The following RELN variants were observed in gnomAD, a reference collection of about 807,000 sequenced individuals.
RELN encodes the protein reelin.
In RELN, 108 loss-of-function variants were observed where a neutral mutation model predicts 427.6. The ratio of observed to expected loss-of-function variants is 0.25; its 90% CI spans 0.22 to 0.30. The LOEUF is 0.30. Among genes scored for constraint, RELN ranks in the 10% least tolerant of loss-of-function variants. The pLI is 1.00. For synonymous variants in RELN, 1,524 were observed against 1,513.4 expected (o/e 1.01, Z -0.16); for missense variants, 3,715 against 4,302.8 (o/e 0.86, Z 3.82).
intron 2 of RELN, among the ~76,000 whole-genome samples, chr7:103,842,735 T>G (rs1003580042): frequency 3.3e-5 from 5 of 152,226 alleles, no homozygotes; most frequent in Non-Finnish European, 7.3e-5. Flanking sequence ...CTTTTAAAAG[T>G]CATTCTGGAA....
At chr7:103,500,719 C>CGTCTT in intron 53 of RELN, 26 bp downstream of exon 53, 1 of 1,612,546 alleles carries the variant, frequency 6.2e-7, no homozygotes, top group Non-Finnish European at 8.5e-7. Context: ...GTGAGTAATG[C>CGTCTT]GTCTTGTCCA....
chr7:103,888,836 C>T (rs541256615), intron 2 of RELN, among the ~76,000 whole-genome samples: 5 of 152,264 alleles, frequency 3.3e-5, no homozygotes, highest in East Asian at 3.9e-4. Context: ...CACAACACTG[C>T]GAGGCAGCAC....
chr7:103,740,845 A>G (rs1431531223), intron 6 of RELN, among the ~76,000 whole-genome samples: 1 of 152,170 alleles, frequency 6.6e-6, no homozygotes, highest in Non-Finnish European at 1.5e-5. Context: ...TAATTCACAT[A>G]AAGCTTTTAG....
chr7:103,707,567 C>T (rs112116267), intron 8 of RELN, among the ~76,000 whole-genome samples: 13,333 of 151,170 alleles, frequency 0.088, 1,288 homozygotes, highest in African/African-American at 0.25. Context: ...GGCGCGATCT[C>T]GGCTCACTGC....
intron 1 of RELN, among the ~76,000 whole-genome samples, chr7:103,986,629 TAAAAA>T (rs34403864): frequency 0.017 from 1,750 of 102,300 alleles, 33 homozygotes; most frequent in African/African-American, 0.059. Context: ...TTCTTTTAGG[TAAAAA>T]AAAAAAAAAA....
rs1830648618 is a variant in RELN, at chr7:103,561,815, A to G, written c.5349T>C (p.Cys1783=). The part of the protein sequence containing the change: ...SGRGICDAGR[C]VCDRGFGGPY... ...AACTGTCAGTTTTATTAACTTACAC[A>G]CAGCGTCCAGCATCACAAATCCCTC... The change falls in exon 35 of 65, where the codon TGT becomes TGC. Residue 1783 remains cysteine (C), a splice_region_variant and synonymous_variant. Coordinates refer to ENST00000428762, the MANE Select transcript of RELN (RefSeq NM_005045.4). 6.2e-7 allele frequency: 1 copy of G among 1,614,000 alleles called. No individual in the cohort carries two copies. The highest frequency in any genetic ancestry group is 1.7e-5 in the Admixed American group (1 of 59,986).
chr7:103,928,843 A>T (rs551707817), intron 1 of RELN, among the ~76,000 whole-genome samples: 1,729 of 152,334 alleles, frequency 0.011, 39 homozygotes, highest in African/African-American at 0.038. Flanking sequence ...GAGCAATCAC[A>T]GCCCTCTGGT....
At chr7:103,941,113 G>C (rs896746973) in intron 1 of RELN, among the ~76,000 whole-genome samples, 1 of 150,822 alleles carries the variant, frequency 6.6e-6, no homozygotes, top group Non-Finnish European at 1.5e-5. Context: ...AGGTTGACAC[G>C]AGACTGACAC....
chr7:103,917,207 A>G (rs1795503126), intron 1 of RELN, 22 bp from the exon 2 acceptor site: 1 of 1,548,572 alleles, frequency 6.5e-7, no homozygotes, highest in Non-Finnish European at 8.9e-7. Flanking sequence ...GAAAGAAAAA[A>G]AAAACTCTCA....
rs566626283 is a variant in RELN at position 103,606,949 on chromosome 7, C to T, written c.3009-2466G>A. Reference sequence around the variant, plus strand: ...TGCGGTGTTTGGTTTTTTGTCCTTGCGATAGTTTGCTGAGAATAATGGTTT... The same window carrying T: ...TGCGGTGTTTGGTTTTTTGTCCTTGTGATAGTTTGCTGAGAATAATGGTTT... On this transcript the variant is annotated intron_variant, in intron 22 of 64. Transcript: ENST00000428762. Among the ~76,000 whole-genome samples the T allele has an allele frequency of 5.9e-5, 9 of 151,882 alleles. No homozygotes were observed. The East Asian group carries it at 7.7e-4, about 13-fold the overall frequency.
chr7:103,947,540 C>T (rs919995495), intron 1 of RELN, among the ~76,000 whole-genome samples: 2 of 152,180 alleles, frequency 1.3e-5, no homozygotes, highest in African/African-American at 4.8e-5. Flanking sequence ...TGGAATAGAT[C>T]ATTCTCTCAT....
intron 2 of RELN, among the ~76,000 whole-genome samples, chr7:103,911,122 T>G (rs1795354790): frequency 6.9e-6 from 1 of 144,718 alleles, no homozygotes; most frequent in African/African-American, 2.7e-5. Context: ...AGGGCTAGTA[T>G]CCAGAATCTA....
chr7:103,780,308 A>G (rs10280683), intron 3 of RELN, among the ~76,000 whole-genome samples: 49,865 of 152,156 alleles, frequency 0.33, 8,199 homozygotes, highest in East Asian at 0.44. Context: ...GCTTATTGGC[A>G]TATATTTAGT....
At chr7:103,676,507 A>C (rs1196231245) in intron 11 of RELN, among the ~76,000 whole-genome samples, 1 of 152,226 alleles carries the variant, frequency 6.6e-6, no homozygotes, top group Non-Finnish European at 1.5e-5. Flanking sequence ...CTAGAACTAG[A>C]AATACCATTT....
chr7:103,685,239 T>C (rs74355090), intron 10 of RELN, among the ~76,000 whole-genome samples: 2,955 of 152,280 alleles, frequency 0.019, 82 homozygotes, highest in African/African-American at 0.067. Flanking sequence ...TTGGTCTCGA[T>C]TTTAATACCC....
intron 6 of RELN, among the ~76,000 whole-genome samples, chr7:103,747,316 T>C (rs1790864927): frequency 6.6e-6 from 1 of 151,950 alleles, no homozygotes; most frequent in African/African-American, 2.4e-5. Context: ...TAATGCTAAA[T>C]GACAACTTAA....
chr7:103,492,016 C>T lies in RELN; in HGVS notation c.9380G>A (p.Gly3127Asp), dbSNP rs978734242. ...GYMMQFKIVV[G>D]CEATSCGDLH... ...GTCACCACAAGAAGTGGCTTCACAA[C>T]CCACCACAATCTAAAACAAACATAA... The change falls in exon 58 of 65, where the codon GGT becomes GAT. Residue 3127 changes from glycine (G) to aspartate (D), a missense_variant. Gly to Asp is a moderately conservative substitution (Grantham distance 94, BLOSUM62 -1). Coordinates refer to ENST00000428762, the MANE Select transcript of RELN (RefSeq NM_005045.4). 6.2e-7 allele frequency: 1 copy of T among 1,612,398 alleles called. No individual in the cohort carries two copies. The highest frequency in any genetic ancestry group is 8.5e-7 in the Non-Finnish European group (1 of 1,179,018).
chr7:103,515,034 G>C (rs1829525203), intron 50 of RELN, 151 bp downstream of exon 50: 2 of 948,714 alleles, frequency 2.1e-6, no homozygotes, highest in Non-Finnish European at 3.2e-6. Context: ...AACTAGGAAG[G>C]CTGAGAGGAA....
At chr7:103,896,907 A>T (rs1794973693) in intron 2 of RELN, among the ~76,000 whole-genome samples, 1 of 152,078 alleles carries the variant, frequency 6.6e-6, no homozygotes, top group Non-Finnish European at 1.5e-5. Flanking sequence ...CATACCTGAG[A>T]CTGCATAACT....
Sources: allele counts gnomAD v4.1 joint callset (sites outside exome capture counted in the v4.1 genomes callset), GRCh38; gene constraint gnomAD v4.1.1; transcripts MANE v1.5; gene names NCBI Gene and HGNC (gene_info 2026-07-23, HGNC 2026-07-21).